The following PTCHD4 variants were observed in gnomAD, a reference collection of about 807,000 sequenced individuals.
The protein encoded by PTCHD4 is patched domain-containing protein 4.
Under a neutral mutation model 58.1 loss-of-function variants are expected in PTCHD4, and 33 were observed. That is an observed-to-expected ratio of 0.57 (90% CI 0.43 to 0.76). The LOEUF (loss-of-function observed/expected upper bound fraction) is 0.76. Ranked by LOEUF, PTCHD4 falls within the 30% of genes least tolerant of loss-of-function variation. The pLI is 0.00. For synonymous variants in PTCHD4, 478 were observed against 409.6 expected (o/e 1.17, Z -2.02); for missense variants, 1,058 against 1,027.1 (o/e 1.03, Z -0.41).
intron 4 of PTCHD4, among the ~76,000 whole-genome samples, chr6:47,986,337 G>C (rs751238568): frequency 9.2e-5 from 14 of 152,092 alleles, no homozygotes; most frequent in Admixed American, 2.0e-4. Flanking sequence ...TTCATCACTG[G>C]GACATTATAA....
At chr6:47,888,791 A>T (rs529607782) in intron 4 of PTCHD4, among the ~76,000 whole-genome samples, 1 of 134,948 alleles carries the variant, frequency 7.4e-6, no homozygotes, top group Non-Finnish European at 1.6e-5. Context: ...ATATCTCCCA[A>T]TGCTATCCCT....
At position 48,072,885 on chromosome 6, in the gene PTCHD4, CA is replaced by C. The variant is rs1582112824; in HGVS notation, c.-969-2960del. 2.0e-5 allele frequency among the ~76,000 whole-genome samples: 3 copies of C among 151,328 alleles called. No individual in the cohort carries two copies. In the South Asian group the frequency reaches 6.3e-4, roughly 32 times the overall value. On this transcript the variant is annotated intron_variant, in intron 1 of 4. Transcript: ENST00000339488. ...TGATTTAAAAATTGTTTTTCTATAA[CA>C]AAAATATATATTTTTAATAAGAAAA...
chr6:47,987,730 C>T (rs1768124886), intron 4 of PTCHD4, among the ~76,000 whole-genome samples: 1 of 151,938 alleles, frequency 6.6e-6, no homozygotes, highest in Admixed American at 6.6e-5. Flanking sequence ...AGCTTTAGAA[C>T]AATGTCACAT....
chr6:47,991,488 A>G (rs1017377130), intron 4 of PTCHD4, among the ~76,000 whole-genome samples: 7 of 152,176 alleles, frequency 4.6e-5, no homozygotes, highest in African/African-American at 1.4e-4. Flanking sequence ...CTTTAGAAAG[A>G]AGACTGATCC....
At chr6:47,932,785 A>G (rs935856285) in intron 4 of PTCHD4, among the ~76,000 whole-genome samples, 22 of 152,238 alleles carry the variant, frequency 1.4e-4, no homozygotes, top group Non-Finnish European at 7.3e-5. Context: ...TTGGGAGCCC[A>G]ACCTTGCCAC....
At chr6:48,009,539 T>C (rs577929208) in intron 3 of PTCHD4, among the ~76,000 whole-genome samples, 2 of 152,330 alleles carry the variant, frequency 1.3e-5, no homozygotes, top group Non-Finnish European at 2.9e-5. Context: ...TTATCTGTTC[T>C]ATAAATGTAC....
Position 47,877,412 on chromosome 6 carries a change from C to T in PTCHD4, c.*891G>A, listed in dbSNP as rs1763875163. Among the ~76,000 whole-genome samples, 1 of 152,006 alleles carries T rather than the reference C, an allele frequency of 6.6e-6. No homozygotes were observed. Among genetic ancestry groups the T allele is most frequent in the Non-Finnish European group, 1.5e-5 (1 of 67,950 alleles). ...TCAGTCTTCCAAATACAGTAAAAGC[C>T]AACGAAAATCCATATCAACTGTTTA... On this transcript the variant is annotated 3_prime_UTR_variant, in exon 5 of 5. Transcript: ENST00000339488.
intron 4 of PTCHD4, among the ~76,000 whole-genome samples, chr6:47,918,973 T>G (rs1765345436): frequency 6.6e-6 from 1 of 152,100 alleles, no homozygotes; most frequent in African/African-American, 2.4e-5. Flanking sequence ...CGAGCCATAG[T>G]GAACTAGTTA....
intron 1 of PTCHD4, among the ~76,000 whole-genome samples, chr6:48,093,339 A>T (rs113772178): frequency 1.4e-3 from 211 of 152,286 alleles, no homozygotes; most frequent in African/African-American, 4.4e-3. Context: ...AATTCAGGAC[A>T]GTTAGGTGAA....
chr6:47,897,366 C>T (rs555244141), intron 4 of PTCHD4, among the ~76,000 whole-genome samples: 8 of 152,298 alleles, frequency 5.3e-5, no homozygotes, highest in African/African-American at 1.7e-4. Flanking sequence ...AAGTAAGAAG[C>T]GCCAAGGCTT....
Position 47,864,583 on chromosome 6 carries a change from G to C in PTCHD4, c.*13720C>G, listed in dbSNP as rs1407259360. 2.6e-5 allele frequency among the ~76,000 whole-genome samples: 4 copies of C among 151,914 alleles called. No individual in the cohort carries two copies. The highest frequency in any genetic ancestry group is 5.9e-5 in the Non-Finnish European group (4 of 67,908). ...AAGCTACGTGGATGATCAAGCTGCT[G>C]TGTGGCCCCATTGCATGGCACTGTG... On this transcript the variant is annotated 3_prime_UTR_variant, in exon 5 of 5. Transcript: ENST00000339488.
chr6:47,991,736 A>G (rs2814479), intron 4 of PTCHD4, among the ~76,000 whole-genome samples: 106,623 of 151,890 alleles, frequency 0.7, 37,500 homozygotes, highest in East Asian at 0.84. Context: ...ATATAAAAGG[A>G]AAAGGAAGGT....
intron 4 of PTCHD4, among the ~76,000 whole-genome samples, chr6:47,922,682 A>G (rs1286056478): frequency 6.6e-6 from 1 of 152,174 alleles, no homozygotes; most frequent in African/African-American, 2.4e-5. Context: ...CTCTTTGTGC[A>G]TGTTCACAGC....
intron 4 of PTCHD4, among the ~76,000 whole-genome samples, chr6:47,942,479 G>GA (rs757238083): frequency 2.6e-5 from 4 of 152,208 alleles, no homozygotes; most frequent in Non-Finnish European, 4.4e-5. Flanking sequence ...GACAGAAAGT[G>GA]TAAGCTGCAG....
chr6:47,899,541 T>C, intron 4 of PTCHD4: 1 of 970,434 alleles, frequency 1.0e-6, no homozygotes. Flanking sequence ...CTGAAATAAC[T>C]TTGCATGTTA....
In PTCHD4 at chr6:47,861,383, A is replaced by G. The variant is rs1213270702; in HGVS notation, c.*16920T>C. 6.6e-6 allele frequency among the ~76,000 whole-genome samples: 1 copy of G among 151,928 alleles called. No individual in the cohort carries two copies. Among genetic ancestry groups the G allele is most frequent in the African/African-American group, 2.4e-5 (1 of 41,404 alleles). ...TACTAGTATTTATTTCTTTTGGGTA[A>G]AATTATGAGTTTGGGAACCTATTTA... On this transcript the variant is annotated 3_prime_UTR_variant, in exon 5 of 5. Coordinates refer to ENST00000339488, the MANE Select transcript of PTCHD4 (RefSeq NM_001384253.1).
chr6:47,995,488 T>C (rs1488495324), intron 4 of PTCHD4, among the ~76,000 whole-genome samples: 1 of 152,238 alleles, frequency 6.6e-6, no homozygotes, highest in African/African-American at 2.4e-5. Context: ...GCCCCTTTTT[T>C]GGAGAGGTTA....
At position 47,861,954 on chromosome 6, in the gene PTCHD4, T is replaced by C. The variant is rs1763438334; in HGVS notation, c.*16349A>G. Among the ~76,000 whole-genome samples the C allele has an allele frequency of 6.6e-6, 1 of 151,896 alleles. No homozygotes were observed. The highest frequency in any genetic ancestry group is 6.6e-5 in the Admixed American group (1 of 15,224). On this transcript the variant is annotated 3_prime_UTR_variant, in exon 5 of 5. Coordinates refer to ENST00000339488, the MANE Select transcript of PTCHD4 (RefSeq NM_001384253.1). ...TTCCTAGGTAACTGTCCATATTTCC[T>C]GTTATCGAAAAAGTTCTTCCAATCA...
chr6:48,017,411 AG>A lies in PTCHD4; in HGVS notation c.418-8298del, dbSNP rs1385659743. ...TTTGTCACATTAGTAAGCTAGAAAA[AG>A]GCCGTGATGTAGTTCACATGTTTTT... is the stretch of plus-strand genomic sequence containing the variant. On this transcript the variant is annotated intron_variant, in intron 3 of 4. Transcript: ENST00000339488. Among the ~76,000 whole-genome samples the A allele has an allele frequency of 2.0e-5, 3 of 152,200 alleles. No homozygotes were observed. In the East Asian group the frequency reaches 5.8e-4, roughly 29 times the overall value.
Sources: allele counts gnomAD v4.1 joint callset (sites outside exome capture counted in the v4.1 genomes callset), GRCh38; gene constraint gnomAD v4.1.1; transcripts MANE v1.5; gene names NCBI Gene and HGNC (gene_info 2026-07-23, HGNC 2026-07-21).